Variants in PM20D1 observed in about 807,000 individuals in gnomAD.
PM20D1 encodes N-fatty-acyl-amino acid synthase/hydrolase PM20D1.
PM20D1 carries 53 observed loss-of-function variants against 53.8 expected under a neutral mutation model. That is an observed-to-expected ratio of 0.98 (90% CI 0.79 to 1.24). The LOEUF is 1.24. Ranked by LOEUF, PM20D1 falls within the 50% of genes most tolerant of loss-of-function variation. The pLI, the probability that PM20D1 is intolerant of heterozygous loss-of-function variation, is 0.00. For synonymous variants in PM20D1, 239 were observed against 241.3 expected (o/e 0.99, Z 0.09); for missense variants, 564 against 616.8 (o/e 0.91, Z 0.91).
chr1:205,836,850 TA>T (rs1414550453), intron 10 of PM20D1, among the ~76,000 whole-genome samples: 1 of 152,154 alleles, frequency 6.6e-6, no homozygotes, highest in African/African-American at 2.4e-5. Flanking sequence ...GGATGTAATA[TA>T]GTACTAGACG....
intron 10 of PM20D1, among the ~76,000 whole-genome samples, chr1:205,838,636 A>T (rs970684319): frequency 2.0e-4 from 30 of 152,284 alleles, no homozygotes; most frequent in Non-Finnish European, 4.1e-4. Context: ...GATGTTAATG[A>T]CACTCCAGCC....
rs138275090 is a variant in PM20D1, at chr1:205,844,192, A to T, written c.602T>A (p.Ile201Asn). Residue 201 changes from isoleucine (I) to asparagine (N), a missense_variant, in exon 5 of 13, where the codon ATC (isoleucine) becomes AAC (asparagine). Transcript: ENST00000367136. ...EESSGTGAQR[I>N]SALLQSRGVQ... is the part of the protein sequence containing the mutation. ...GCCCCTTGACTGTAGCAGGGCTGAG[A>T]TCCTCTGAGCCCCTGTCCCTGATGA... The T allele has an allele frequency of 7.4e-6, 12 of 1,613,242 alleles. No individual in the cohort carries two copies. The African/African-American group carries it at 1.3e-4, about 18-fold the overall frequency.
In PM20D1 at chr1:205,844,819, C is replaced by T; in HGVS notation, c.568G>A (p.Asp190Asn). The T allele has an allele frequency of 6.2e-7, 1 of 1,613,850 alleles. No homozygotes were observed. The part of the protein sequence containing the change: ...RRSFFISLGH[D>N]EESSGTGAQR... ...AGGTGAGGAGGCTCTACCTCCTCAT[C>T]ATGGCCCAGAGAAATGAAGAAAGAT... is the stretch of plus-strand genomic sequence containing the variant. The change falls in exon 4 of 13, where the codon GAT becomes AAT. Residue 190 changes from aspartate to asparagine, a missense_variant. Transcript: ENST00000367136.
chr1:205,828,841 C>T (rs565254226), intron 12 of PM20D1, 98 bp from the exon 13 acceptor site: 239 of 1,475,872 alleles, frequency 1.6e-4, no homozygotes, highest in Middle Eastern at 9.5e-4. Context: ...CTCACCAACC[C>T]GGAAACTACT....
chr1:205,828,084 T>C lies in PM20D1; in HGVS notation c.*536A>G, dbSNP rs966975568. On this transcript the variant is annotated 3_prime_UTR_variant, in exon 13 of 13. Transcript: ENST00000367136. ...TGACAATTATGGTAGTATCACAGTT[T>C]GGGTAAGTCCAGGTCCAGAAGTAGA... 6.5e-6 allele frequency: 1 copy of C among 152,996 alleles called. No homozygotes were observed. The highest frequency in any genetic ancestry group is 1.5e-5 in the Non-Finnish European group (1 of 68,700). 9.5% of individuals were successfully genotyped at this position (152,996 alleles called of 1,614,324 possible).
At chr1:205,837,524 G>A (rs1200493259) in intron 10 of PM20D1, among the ~76,000 whole-genome samples, 3 of 152,198 alleles carry the variant, frequency 2.0e-5, no homozygotes, top group Non-Finnish European at 4.4e-5. Context: ...CTCTGGGGGC[G>A]GCCTGTGTTC....
At chr1:205,845,156 G>A (rs1656921157) in intron 3 of PM20D1, among the ~76,000 whole-genome samples, 169 bp downstream of exon 3, 1 of 152,142 alleles carries the variant, frequency 6.6e-6, no homozygotes, top group African/African-American at 2.4e-5. Context: ...ATTTACAGCT[G>A]AGAAATCAAG....
At position 205,847,904 on chromosome 1, in the gene PM20D1, G is replaced by A. The variant is rs779931686; in HGVS notation, c.237C>T (p.Phe79=). ...GCTGACCTTTATGAATGTATTTTCC[G>A]AACTCAGCCAGGGCTGTAGTATTGG... ...EKSNTTALAE[F]GKYIHKVFPT... The change falls in exon 2 of 13, where the codon TTC becomes TTT. Residue 79 remains phenylalanine, a synonymous_variant. Transcript: ENST00000367136. The A allele has an allele frequency of 4.5e-5, 71 of 1,595,378 alleles. 1 individual carries two copies. Among genetic ancestry groups the A allele is most frequent in the African/African-American group, 2.2e-4 (16 of 74,358 alleles).
intron 6 of PM20D1, among the ~76,000 whole-genome samples, chr1:205,843,290 C>T (rs1656858650): frequency 6.6e-6 from 1 of 152,170 alleles, no homozygotes. Flanking sequence ...GCCTGTAGGT[C>T]CTTGCTTTCC....
At chr1:205,844,982 T>A in intron 3 of PM20D1, 85 bp from the exon 4 acceptor site, 1 of 1,178,826 alleles carries the variant, frequency 8.5e-7, no homozygotes, top group Non-Finnish European at 1.2e-6. Context: ...AGTTGCCTGT[T>A]ATCAGGGCTG....
chr1:205,844,693 T>A, intron 4 of PM20D1, 118 bp downstream of exon 4: 1 of 855,532 alleles, frequency 1.2e-6, no homozygotes, highest in Middle Eastern at 3.0e-4. Flanking sequence ...ACGGAGAAGT[T>A]GGCAAACTAC....
chr1:205,837,593 G>C (rs111612117), intron 10 of PM20D1, among the ~76,000 whole-genome samples: 2,391 of 152,330 alleles, frequency 0.016, 60 homozygotes, highest in African/African-American at 0.054. Flanking sequence ...TGTTCCTGAC[G>C]CATGGAACTG....
At chr1:205,848,072 A>G (rs1217966671) in intron 1 of PM20D1, 101 bp from the exon 2 acceptor site, 27 of 1,086,996 alleles carry the variant, frequency 2.5e-5, no homozygotes, top group Non-Finnish European at 3.7e-5. Flanking sequence ...TCATTATCAT[A>G]TTGCAGAGGG....
At chr1:205,829,553 A>T (rs1369016926) in intron 12 of PM20D1, among the ~76,000 whole-genome samples, 1 of 152,214 alleles carries the variant, frequency 6.6e-6, no homozygotes, top group Non-Finnish European at 1.5e-5. Context: ...AAAACAAAAC[A>T]AACAACAACC....
intron 10 of PM20D1, 56 bp downstream of exon 10, chr1:205,840,196 A>G: frequency 6.6e-7 from 1 of 1,524,964 alleles, no homozygotes; most frequent in South Asian, 1.2e-5. Flanking sequence ...CCGGGCCCTG[A>G]GGGCCACATC....
chr1:205,835,600 C>A (rs1272383568), intron 10 of PM20D1, among the ~76,000 whole-genome samples: 5 of 126,236 alleles, frequency 4.0e-5, no homozygotes, highest in Admixed American at 3.9e-4. Flanking sequence ...TGCAGTGGGC[C>A]AAGATCGTGC....
intron 11 of PM20D1, among the ~76,000 whole-genome samples, chr1:205,831,858 G>A (rs545862991): frequency 1.1e-4 from 17 of 152,240 alleles, no homozygotes; most frequent in Admixed American, 7.2e-4. Context: ...CACCGTGCCC[G>A]GCTGAGCAAT....
At chr1:205,844,749 A>G in intron 4 of PM20D1, 62 bp downstream of exon 4, 1 of 1,483,188 alleles carries the variant, frequency 6.7e-7, no homozygotes, top group Non-Finnish European at 9.3e-7. Flanking sequence ...GACTAGGGTT[A>G]AGCACCCACT....
rs1553260977 is a variant in PM20D1 at position 205,842,764 on chromosome 1, CAG to C, written c.828-15_828-14del. On this transcript the variant is annotated splice_polypyrimidine_tract_variant and intron_variant, in intron 6 of 12. Coordinates refer to ENST00000367136, the MANE Select transcript of PM20D1 (RefSeq NM_152491.5). ...TGTCTGCTCCAATCTGGAAGAGAAA[CAG>C]AGTCCTCAAGACTTAGCGAACCCCA... 1.2e-6 allele frequency: 2 copies of C among 1,613,476 alleles called. No homozygotes were observed. The highest frequency in any genetic ancestry group is 1.7e-6 in the Non-Finnish European group (2 of 1,179,804).
Sources: gnomAD v4.1 joint callset for allele counts (sites outside exome capture counted in the v4.1 genomes callset) on GRCh38, gnomAD v4.1.1 for gene constraint, MANE v1.5 for transcripts, NCBI Gene and HGNC (gene_info 2026-07-23, HGNC 2026-07-21) for gene names.